Variants in PCCA observed in about 807,000 individuals in gnomAD.
The protein encoded by PCCA is propionyl-CoA carboxylase alpha chain, mitochondrial.
In PCCA, 74 loss-of-function variants were observed where a neutral mutation model predicts 101.3. The observed-to-expected ratio is 0.73, with a 90% CI of 0.61 to 0.89. The LOEUF (loss-of-function observed/expected upper bound fraction) is 0.89, where lower values mean the gene tolerates loss of function less well. Among genes scored for constraint, PCCA ranks in the 40% least tolerant of loss-of-function variants. The pLI is 0.00. For synonymous variants in PCCA, 294 were observed against 313.6 expected (o/e 0.94, Z 0.66); for missense variants, 891 against 907.0 (o/e 0.98, Z 0.23).
At chr13:100,272,178 G>A (rs571586046) in intron 11 of PCCA, among the ~76,000 whole-genome samples, 3 of 152,220 alleles carry the variant, frequency 2.0e-5, no homozygotes, top group African/African-American at 4.8e-5. Flanking sequence ...GAAGCCAAAC[G>A]TGCAGGATTT....
intron 21 of PCCA, among the ~76,000 whole-genome samples, chr13:100,453,677 T>G (rs1004221050): frequency 1.3e-5 from 2 of 152,002 alleles, no homozygotes; most frequent in Non-Finnish European, 2.9e-5. Context: ...GGCTCTCAGT[T>G]CAGGGCCTGT....
At chr13:100,441,950 CT>C (rs1477406375) in intron 20 of PCCA, among the ~76,000 whole-genome samples, 1 of 148,310 alleles carries the variant, frequency 6.7e-6, no homozygotes, top group African/African-American at 2.5e-5. Context: ...AATTTTATTT[CT>C]GTTTTTCTTT....
intron 21 of PCCA, among the ~76,000 whole-genome samples, chr13:100,458,655 G>T (rs1042340907): frequency 6.6e-6 from 1 of 152,098 alleles, no homozygotes; most frequent in Admixed American, 6.5e-5. Context: ...AAAAAGCGAA[G>T]ATTTAAAAAT....
chr13:100,324,245 A>G (rs1410963051), intron 16 of PCCA, among the ~76,000 whole-genome samples: 2 of 152,178 alleles, frequency 1.3e-5, no homozygotes, highest in Non-Finnish European at 2.9e-5. Flanking sequence ...TGGATGACCA[A>G]GATTAGATAC....
intron 12 of PCCA, among the ~76,000 whole-genome samples, chr13:100,283,607 T>C (rs940303872): frequency 6.8e-6 from 1 of 147,638 alleles, no homozygotes; most frequent in Non-Finnish European, 1.5e-5. Flanking sequence ...CGAAAAGCAA[T>C]CCAGGGCCCT....
At chr13:100,437,799 G>T (rs568129143) in intron 20 of PCCA, among the ~76,000 whole-genome samples, 1 of 152,030 alleles carries the variant, frequency 6.6e-6, no homozygotes, top group Non-Finnish European at 1.5e-5. Flanking sequence ...CTCCCAAGTA[G>T]CTGGGACTAC....
intron 21 of PCCA, chr13:100,464,546 C>G (rs921666951): frequency 2.0e-5 from 3 of 152,154 alleles, no homozygotes; most frequent in East Asian, 3.8e-4. Context: ...ATAGTCTCCA[C>G]CGAGTCTTCA....
At chr13:100,164,297 T>C (rs2054812112) in intron 6 of PCCA, among the ~76,000 whole-genome samples, 2 of 152,208 alleles carry the variant, frequency 1.3e-5, no homozygotes, top group African/African-American at 4.8e-5. Context: ...AAAATGTTAC[T>C]GATTATTTTG....
At chr13:100,302,410 A>G (rs895897680) in intron 13 of PCCA, among the ~76,000 whole-genome samples, 1 of 151,966 alleles carries the variant, frequency 6.6e-6, no homozygotes, top group Non-Finnish European at 1.5e-5. Context: ...TTTCATTCTT[A>G]TGACACTGAA....
intron 7 of PCCA, among the ~76,000 whole-genome samples, chr13:100,212,008 G>T (rs1302336747): frequency 1.3e-5 from 2 of 152,110 alleles, no homozygotes; most frequent in Admixed American, 1.3e-4. Flanking sequence ...CCAAAGTGCT[G>T]GGATTACAGG....
At chr13:100,182,351 C>A (rs2056880521) in intron 6 of PCCA, among the ~76,000 whole-genome samples, 1 of 152,128 alleles carries the variant, frequency 6.6e-6, no homozygotes, top group South Asian at 2.1e-4. Flanking sequence ...CCTGCCTCGG[C>A]CTCCCAAAGT....
chr13:100,377,740 C>T (rs936259422), intron 19 of PCCA, among the ~76,000 whole-genome samples: 6 of 152,052 alleles, frequency 3.9e-5, no homozygotes, highest in Admixed American at 6.5e-5. Flanking sequence ...GTGATCCACC[C>T]GCCTCAGCCT....
intron 6 of PCCA, among the ~76,000 whole-genome samples, chr13:100,177,723 C>T (rs905192935): frequency 1.3e-5 from 2 of 152,134 alleles, no homozygotes; most frequent in Non-Finnish European, 2.9e-5. Flanking sequence ...AAAAAATCAT[C>T]ACCTTCAAGT....
At chr13:100,529,838 C>A (rs1475580456) in intron 23 of PCCA, among the ~76,000 whole-genome samples, 1 of 152,134 alleles carries the variant, frequency 6.6e-6, no homozygotes, top group Admixed American at 6.5e-5. Context: ...CGGAGAGTAG[C>A]CCTCAGGCCA....
chr13:100,527,818 G>C (rs765198980), intron 23 of PCCA, 66 bp downstream of exon 23: 6 of 1,213,816 alleles, frequency 4.9e-6, no homozygotes, highest in Admixed American at 1.7e-5. Context: ...CCTTTGAATC[G>C]TGGGTGGTTT....
chr13:100,111,771 G>T, intron 2 of PCCA, 70 bp from the exon 3 acceptor site: 1 of 972,308 alleles, frequency 1.0e-6, no homozygotes, highest in East Asian at 2.4e-5. Context: ...GAAAAACTTG[G>T]TGTTTTTTGG....
At chr13:100,304,801 T>C (rs1436913932) in intron 14 of PCCA, among the ~76,000 whole-genome samples, 1 of 152,234 alleles carries the variant, frequency 6.6e-6, no homozygotes, top group Non-Finnish European at 1.5e-5. Flanking sequence ...GGCTCTTACC[T>C]TTTTTGGTCA....
intron 4 of PCCA, among the ~76,000 whole-genome samples, chr13:100,141,496 C>G (rs959171810): frequency 6.6e-6 from 1 of 152,058 alleles, no homozygotes; most frequent in Non-Finnish European, 1.5e-5. Flanking sequence ...CTGCAACCTC[C>G]ACCTCCCAGG....
At chr13:100,390,870 C>G (rs2152840068) in intron 19 of PCCA, among the ~76,000 whole-genome samples, 1 of 152,256 alleles carries the variant, frequency 6.6e-6, no homozygotes, top group Non-Finnish European at 1.5e-5. Flanking sequence ...CTTCTAAAGG[C>G]ATGGTCGTTA....
Sources: allele counts gnomAD v4.1 joint callset (sites outside exome capture counted in the v4.1 genomes callset), GRCh38; gene constraint gnomAD v4.1.1; transcripts MANE v1.5; gene names NCBI Gene and HGNC (gene_info 2026-07-23, HGNC 2026-07-21).